Variants in RPRD2 observed in about 807,000 individuals in gnomAD.
RPRD2 encodes the protein regulation of nuclear pre-mRNA domain containing 2.
Under a neutral mutation model 104.4 loss-of-function variants are expected in RPRD2, and 12 were observed. That is an observed-to-expected ratio of 0.11 (90% CI 0.07 to 0.19). The LOEUF is 0.19. Among genes scored for constraint, RPRD2 ranks in the 10% least tolerant of loss-of-function variants. The pLI, the probability that RPRD2 is intolerant of heterozygous loss-of-function variation, is 1.00. For synonymous variants in RPRD2, 714 were observed against 684.9 expected (o/e 1.04, Z -0.66); for missense variants, 1,543 against 1,790.1 (o/e 0.86, Z 2.49).
intron 2 of RPRD2, among the ~76,000 whole-genome samples, chr1:150,436,145 A>AG (rs1295851718): frequency 6.6e-6 from 1 of 151,562 alleles, no homozygotes; most frequent in Non-Finnish European, 1.5e-5. Context: ...AAAAAAAAAA[A>AG]CACAGATTCT....
rs782395575 is a variant in RPRD2, at chr1:150,417,679, C to T, written c.289C>T (p.Arg97Cys). ...NCKRKNAIIF[R>C]ESFADVLPEA... ...TAAAAGGAAAAATGCAATCATATTC[C>T]GTGAATCATTTGCTGATGTACTTCC... Residue 97 changes from arginine to cysteine, a missense_variant, in exon 2 of 11, where the codon CGT becomes TGT. Physicochemically the swap from Arg to Cys is radical, Grantham distance 180. Transcript: ENST00000369068. The T allele has an allele frequency of 1.2e-6, 2 of 1,607,980 alleles. No individual in the cohort carries two copies. The highest frequency in any genetic ancestry group is 8.5e-7 in the Non-Finnish European group (1 of 1,175,918).
At chr1:150,428,133 G>T (rs1665289420) in intron 2 of RPRD2, among the ~76,000 whole-genome samples, 1 of 152,004 alleles carries the variant, frequency 6.6e-6, no homozygotes. Context: ...ATTATGTTAG[G>T]AGATACAGAG....
chr1:150,476,196 T>C lies in RPRD2; in HGVS notation c.*2862T>C, dbSNP rs1668882607. ...AAATAAGCAGAGAATAGGACTTTTA[T>C]ACTTTCCAATACCAGGAATAAAATG... On this transcript the variant is annotated 3_prime_UTR_variant, in exon 11 of 11. Transcript: ENST00000369068. 6.6e-6 allele frequency: 1 copy of C among 152,240 alleles called. No individual in the cohort carries two copies. The highest frequency in any genetic ancestry group is 2.4e-5 in the African/African-American group (1 of 41,458). The allele number at this position is 152,240 out of a possible 1,614,324, so 9.4% of individuals were successfully genotyped here. A position where few individuals can be genotyped will look rare whatever the true frequency, so the allele number is the denominator to read the frequency against.
intron 1 of RPRD2, among the ~76,000 whole-genome samples, chr1:150,409,906 A>G (rs1161965865): frequency 3.9e-5 from 6 of 152,116 alleles, no homozygotes; most frequent in African/African-American, 1.4e-4. Context: ...TGGCCTCCCA[A>G]AGTGCTGGGA....
chr1:150,432,193 G>A (rs12117104), intron 2 of RPRD2, among the ~76,000 whole-genome samples: 33,076 of 140,348 alleles, frequency 0.24, 4,119 homozygotes, highest in African/African-American at 0.33. Context: ...AAAAAAAAAA[G>A]AAAGAAAAGT....
chr1:150,375,505 G>A (rs1660623507), intron 1 of RPRD2, among the ~76,000 whole-genome samples: 1 of 152,162 alleles, frequency 6.6e-6, no homozygotes, highest in Non-Finnish European at 1.5e-5. Context: ...GGAGGGACGA[G>A]TGTATGTATG....
chr1:150,391,790 C>T (rs587614372), intron 1 of RPRD2, among the ~76,000 whole-genome samples: 5 of 152,250 alleles, frequency 3.3e-5, no homozygotes, highest in African/African-American at 1.2e-4. Context: ...CACCTGTAAT[C>T]CCAGCTACTT....
At chr1:150,424,025 C>T (rs1470630267) in intron 2 of RPRD2, among the ~76,000 whole-genome samples, 3 of 152,078 alleles carry the variant, frequency 2.0e-5, no homozygotes, top group African/African-American at 7.2e-5. Context: ...CTCCTGACCT[C>T]AGGTGATCCA....
intron 1 of RPRD2, among the ~76,000 whole-genome samples, chr1:150,369,206 G>A (rs1381089216): frequency 2.0e-5 from 3 of 152,178 alleles, no homozygotes; most frequent in African/African-American, 7.2e-5. Flanking sequence ...TACAGGTGCA[G>A]CAGTTGGAGG....
At chr1:150,366,704 C>G (rs1433857669) in intron 1 of RPRD2, among the ~76,000 whole-genome samples, 1 of 152,154 alleles carries the variant, frequency 6.6e-6, no homozygotes, top group East Asian at 1.9e-4. Context: ...TCATCATTAA[C>G]TTTGTAAAAT....
intron 1 of RPRD2, among the ~76,000 whole-genome samples, chr1:150,387,614 G>A (rs1553882160): frequency 1.8e-5 from 1 of 56,844 alleles, no homozygotes; most frequent in Non-Finnish European, 3.2e-5. Flanking sequence ...TTTTTGAGAC[G>A]GAGTTTCACT....
Position 150,373,938 on chromosome 1 carries a change from T to C in RPRD2, c.205+9019T>C, listed in dbSNP as rs369923202. ...GAAGGCTATGGTATTATGAAATCTC[T>C]ATTTGGTCTCTGTCCCATTTCCTGG... On this transcript the variant is annotated intron_variant, in intron 1 of 10. Transcript: ENST00000369068. 2.2e-4 allele frequency among the ~76,000 whole-genome samples: 34 copies of C among 152,168 alleles called. 2 individuals are homozygous for C. Among genetic ancestry groups the C allele is most frequent in the East Asian group, 1.3e-3 (7 of 5,200 alleles).
chr1:150,467,844 C>G (rs1668378412), intron 10 of RPRD2, among the ~76,000 whole-genome samples: 1 of 152,038 alleles, frequency 6.6e-6, no homozygotes, highest in Admixed American at 6.6e-5. Context: ...ATCCACAGCC[C>G]TAGGTATTGA....
Position 150,383,306 on chromosome 1 carries a change from G to GGTT in RPRD2, c.205+18387_205+18388insGTT, listed in dbSNP as rs1553881150. Among the ~76,000 whole-genome samples the GGTT allele has an allele frequency of 1.5e-4, 19 of 126,734 alleles. 3 individuals carry two copies. The highest frequency in any genetic ancestry group is 1.6e-4 in the Non-Finnish European group (10 of 60,840). The allele number at this position is 126,734 out of a possible 152,430, so 83.1% of individuals were successfully genotyped here. A position where few individuals can be genotyped will look rare whatever the true frequency, so the allele number is the denominator to read the frequency against. ...CACGAGACCTGGCCTCAAATAAGAG[G>GGTT]TTTTTTTTTTTTTTTTTTTTGGTGA... On this transcript the variant is annotated intron_variant, in intron 1 of 10. Coordinates refer to ENST00000369068, the MANE Select transcript of RPRD2 (RefSeq NM_015203.5).
chr1:150,388,382 A>G lies in RPRD2; in HGVS notation c.205+23463A>G, dbSNP rs587697682. 1.3e-4 allele frequency among the ~76,000 whole-genome samples: 19 copies of G among 151,392 alleles called. No individual in the cohort carries two copies. In the South Asian group the frequency reaches 3.5e-3, roughly 28 times the overall value. On this transcript the variant is annotated intron_variant, in intron 1 of 10. Transcript: ENST00000369068. ...CATATATACATGTATACACATATAC[A>G]CGTATACACATGTATATACGTGTAT...
chr1:150,379,469 C>G (rs587761348), intron 1 of RPRD2, among the ~76,000 whole-genome samples: 1 of 151,830 alleles, frequency 6.6e-6, no homozygotes, highest in African/African-American at 2.4e-5. Context: ...ATGGCGCCAT[C>G]TCGGCTCACT....
chr1:150,410,738 C>G (rs1358982532), intron 1 of RPRD2, among the ~76,000 whole-genome samples: 1 of 152,154 alleles, frequency 6.6e-6, no homozygotes, highest in Non-Finnish European at 1.5e-5. Context: ...ATTCCTTAAA[C>G]AGTTGCATTA....
At chr1:150,381,071 T>A (rs587661556) in intron 1 of RPRD2, among the ~76,000 whole-genome samples, 1 of 152,216 alleles carries the variant, frequency 6.6e-6, no homozygotes, top group South Asian at 2.1e-4. Flanking sequence ...AACAACAGAT[T>A]ATTTGTTTTG....
rs782590874 is a variant in RPRD2 at position 150,389,288 on chromosome 1, G to A, written c.205+24369G>A. On this transcript the variant is annotated intron_variant, in intron 1 of 10. Coordinates refer to ENST00000369068, the MANE Select transcript of RPRD2 (RefSeq NM_015203.5). The stretch of plus-strand genomic sequence containing the variant: ...TTGTCTCAAACTCCTGAGCTCAAGC[G>A]ATCTGCCTGCCTCGGCCTCGCAAAG... 7.9e-5 allele frequency among the ~76,000 whole-genome samples: 12 copies of A among 152,134 alleles called. No individual in the cohort carries two copies. The South Asian group carries it at 1.9e-3, about 24-fold the overall frequency.
Sources: allele counts gnomAD v4.1 joint callset (sites outside exome capture counted in the v4.1 genomes callset), GRCh38; gene constraint gnomAD v4.1.1; transcripts MANE v1.5; gene names NCBI Gene and HGNC (gene_info 2026-07-23, HGNC 2026-07-21).